The following CACNB2 variants were observed in gnomAD, a reference collection of about 807,000 sequenced individuals.
CACNB2 encodes the protein calcium voltage-gated channel auxiliary subunit beta 2.
CACNB2 carries 42 observed loss-of-function variants against 73.3 expected under a neutral mutation model. That is an observed-to-expected ratio of 0.57 (90% confidence interval 0.45 to 0.74). The LOEUF (loss-of-function observed/expected upper bound fraction) is 0.74, where lower values mean the gene tolerates loss of function less well. CACNB2 is among the 30% of genes least tolerant of loss of function. The probability of loss-of-function intolerance (pLI) is 0.00; values close to 1 mark genes in which losing one functional copy is unlikely to be tolerated. For missense variants in CACNB2, 940 were observed against 853.0 expected (o/e 1.10, Z -1.27); for synonymous variants, 348 against 310.3 (o/e 1.12, Z -1.28).
intron 3 of CACNB2, among the ~76,000 whole-genome samples, chr10:18,464,451 C>A (rs912024475): frequency 1.1e-5 from 1 of 89,258 alleles, no homozygotes; most frequent in East Asian, 3.4e-4. Context: ...GAATTTGGCT[C>A]TTTTCTCTTT....
intron 2 of CACNB2, among the ~76,000 whole-genome samples, chr10:18,158,889 A>G (rs1175828643): frequency 3.9e-5 from 6 of 152,182 alleles, no homozygotes; most frequent in African/African-American, 1.4e-4. Context: ...TGCCAAGGTC[A>G]GGGAAAAATA....
chr10:18,317,705 A>C (rs529858728), intron 2 of CACNB2, among the ~76,000 whole-genome samples: 3 of 152,330 alleles, frequency 2.0e-5, no homozygotes, highest in African/African-American at 7.2e-5. Context: ...ATATGAGTGC[A>C]GGTGTCTTTT....
chr10:18,273,997 TA>T (rs972587776), intron 2 of CACNB2, among the ~76,000 whole-genome samples: 5 of 152,208 alleles, frequency 3.3e-5, no homozygotes, highest in African/African-American at 9.7e-5. Flanking sequence ...GTTGAATATC[TA>T]GAAGGAAAGA....
intron 3 of CACNB2, among the ~76,000 whole-genome samples, chr10:18,447,993 C>T (rs1289385970): frequency 6.6e-6 from 1 of 152,022 alleles, no homozygotes; most frequent in Admixed American, 6.6e-5. Flanking sequence ...AAGACACTTT[C>T]TTTTTGTTTT....
At chr10:18,273,915 G>A (rs953872551) in intron 2 of CACNB2, among the ~76,000 whole-genome samples, 3 of 152,034 alleles carry the variant, frequency 2.0e-5, no homozygotes, top group Non-Finnish European at 4.4e-5. Flanking sequence ...AGTTCATACC[G>A]TTTGTTTCTT....
rs780596093 is a variant in CACNB2 at position 18,500,809 on chromosome 10, T to C, written c.457-3T>C. The C allele has an allele frequency of 6.2e-7, 1 of 1,613,736 alleles. No homozygotes were observed. Among genetic ancestry groups the C allele is most frequent in the South Asian group, 1.1e-5 (1 of 91,086 alleles). ...TTTTTAATGCTTTTGATTTTGTGTT[T>C]AGAAATTTAACAATGACTGGTGGAT... On this transcript the variant is annotated splice_polypyrimidine_tract_variant and splice_region_variant and intron_variant, in intron 4 of 13. Transcript: ENST00000324631.
At chr10:18,349,247 T>C (rs1229638899) in intron 2 of CACNB2, among the ~76,000 whole-genome samples, 7 of 152,216 alleles carry the variant, frequency 4.6e-5, no homozygotes, top group African/African-American at 1.7e-4. Context: ...TGACCGCTTC[T>C]ATTTGAAGGA....
At chr10:18,534,273 A>T (rs772316215) in intron 11 of CACNB2, 46 bp downstream of exon 11, 1 of 1,503,658 alleles carries the variant, frequency 6.7e-7, no homozygotes, top group African/African-American at 1.4e-5. Context: ...ACTTTCCTAA[A>T]ATGTATTTTA....
chr10:18,302,894 G>A (rs1317332422), intron 2 of CACNB2, among the ~76,000 whole-genome samples: 1 of 152,232 alleles, frequency 6.6e-6, no homozygotes, highest in Non-Finnish European at 1.5e-5. Flanking sequence ...AATGACAGGT[G>A]TGCAGTAGAC....
intron 3 of CACNB2, among the ~76,000 whole-genome samples, chr10:18,449,803 C>T (rs375392551): frequency 4.6e-5 from 7 of 152,166 alleles, no homozygotes; most frequent in Non-Finnish European, 8.8e-5. Flanking sequence ...CACTGCATGC[C>T]ATAGGGTTGT....
intron 2 of CACNB2, among the ~76,000 whole-genome samples, chr10:18,390,225 T>C (rs140956910): frequency 3.3e-5 from 5 of 152,354 alleles, no homozygotes; most frequent in Admixed American, 1.3e-4. Context: ...TGGCCTTTCT[T>C]TTCTTGAGAC....
intron 6 of CACNB2, among the ~76,000 whole-genome samples, chr10:18,510,292 A>T (rs1043559397): frequency 6.6e-6 from 1 of 152,094 alleles, no homozygotes. Flanking sequence ...CCAAAGATGT[A>T]TACGTTTCCA....
At chr10:18,310,803 G>A (rs1053910223) in intron 2 of CACNB2, among the ~76,000 whole-genome samples, 4 of 151,304 alleles carry the variant, frequency 2.6e-5, no homozygotes, top group African/African-American at 7.3e-5. Flanking sequence ...GGGTGGTCTC[G>A]AACTCCTGAC....
chr10:18,270,884 G>A (rs540726052), intron 2 of CACNB2, among the ~76,000 whole-genome samples: 6 of 152,098 alleles, frequency 3.9e-5, no homozygotes, highest in Admixed American at 2.0e-4. Context: ...CACTCAAGAC[G>A]TAATGGTTGA....
At chr10:18,315,204 C>G (rs992888548) in intron 2 of CACNB2, among the ~76,000 whole-genome samples, 1 of 151,880 alleles carries the variant, frequency 6.6e-6, no homozygotes, top group Non-Finnish European at 1.5e-5. Context: ...TGTGGTGGCA[C>G]ACATCTGTAA....
chr10:18,321,562 C>G (rs2040397689), intron 2 of CACNB2, among the ~76,000 whole-genome samples: 1 of 152,138 alleles, frequency 6.6e-6, no homozygotes, highest in African/African-American at 2.4e-5. Context: ...ACTCACAGGA[C>G]AAATGCTTGG....
At chr10:18,302,805 A>G (rs2039578749) in intron 2 of CACNB2, among the ~76,000 whole-genome samples, 1 of 152,178 alleles carries the variant, frequency 6.6e-6, no homozygotes, top group African/African-American at 2.4e-5. Flanking sequence ...ACCACTAAAG[A>G]AACTTACTCA....
intron 2 of CACNB2, among the ~76,000 whole-genome samples, chr10:18,335,544 A>G (rs1252745772): frequency 3.3e-5 from 5 of 152,278 alleles, no homozygotes; most frequent in African/African-American, 1.2e-4. Context: ...CATTGAGCCA[A>G]GACGCTCTCC....
At chr10:18,385,133 A>G (rs1428950250) in intron 2 of CACNB2, among the ~76,000 whole-genome samples, 1 of 152,078 alleles carries the variant, frequency 6.6e-6, no homozygotes, top group African/African-American at 2.4e-5. Flanking sequence ...TACAAAAAAA[A>G]TTAGCTGGGC....
Sources: allele counts gnomAD v4.1 joint callset (sites outside exome capture counted in the v4.1 genomes callset), GRCh38; gene constraint gnomAD v4.1.1; transcripts MANE v1.5; gene names NCBI Gene and HGNC (gene_info 2026-07-23, HGNC 2026-07-21).